Variants in NKAIN1 observed in about 807,000 individuals in gnomAD.
NKAIN1 encodes the protein sodium/potassium-transporting ATPase subunit beta-1-interacting protein 1.
A neutral mutation model predicts 31.6 loss-of-function variants in NKAIN1; 13 were observed. The observed-to-expected ratio is 0.41, with a 90% confidence interval of 0.27 to 0.65. The LOEUF (loss-of-function observed/expected upper bound fraction) is 0.65, where lower values mean the gene tolerates loss of function less well. Ranked by LOEUF, NKAIN1 falls within the 30% of genes least tolerant of loss-of-function variation. The pLI is 0.30. For missense variants in NKAIN1, 193 were observed against 262.2 expected, an observed-to-expected ratio of 0.74 and a Z score of 1.82; for synonymous variants, 104 against 109.0, an observed-to-expected ratio of 0.95 and a Z score of 0.28.
intron 1 of NKAIN1, among the ~76,000 whole-genome samples, chr1:31,219,859 A>G (rs946970849): frequency 6.6e-6 from 1 of 152,182 alleles, no homozygotes; most frequent in African/African-American, 2.4e-5. Context: ...CATCTGTAAA[A>G]CAGGGATGAC....
At chr1:31,223,531 A>G (rs1645579788) in intron 1 of NKAIN1, among the ~76,000 whole-genome samples, 1 of 151,958 alleles carries the variant, frequency 6.6e-6, no homozygotes, top group Admixed American at 6.5e-5. Flanking sequence ...TGCAAGCTCC[A>G]CCTCCTGGGT....
rs139451212 is a variant in NKAIN1 at position 31,225,325 on chromosome 1, C to CTTTTTTTTT, written c.54+14160_54+14168dup. On this transcript the variant is annotated intron_variant, in intron 1 of 6. Coordinates refer to ENST00000373736, the MANE Select transcript of NKAIN1 (RefSeq NM_024522.3). ...ACAGGCATAAGCCACCATGCCCGGC[C>CTTTTTTTTT]TTTTTTTTTTTTTTTTTTTTTTTTT... Among the ~76,000 whole-genome samples the CTTTTTTTTT allele has an allele frequency of 4.2e-4, 22 of 52,162 alleles. 1 individual carries two copies. Among genetic ancestry groups the CTTTTTTTTT allele is most frequent in the Admixed American group, 6.5e-4 (2 of 3,054 alleles). 34.2% of individuals were successfully genotyped at this position (52,162 alleles called of 152,430 possible). A position where few individuals can be genotyped will look rare whatever the true frequency, so the allele number is the denominator to read the frequency against.
At chr1:31,223,695 C>T (rs1645581307) in intron 1 of NKAIN1, among the ~76,000 whole-genome samples, 3 of 152,142 alleles carry the variant, frequency 2.0e-5, no homozygotes, top group African/African-American at 2.4e-5. Flanking sequence ...TCGCCTGCCT[C>T]GGCCTCCCAA....
At position 31,196,580 on chromosome 1, in the gene NKAIN1, G is replaced by A. The variant is rs149195326; in HGVS notation, c.55-8393C>T. ...TGGGCAACTGTAATTCCAGCTACTA[G>A]GGAGGCTGAGGCAGGAGAATCACTT... is the stretch of plus-strand genomic sequence containing the variant. On this transcript the variant is annotated intron_variant, in intron 1 of 6. Transcript: ENST00000373736. 6.0e-3 allele frequency among the ~76,000 whole-genome samples: 897 copies of A among 150,296 alleles called. 7 individuals are homozygous for A. The highest frequency in any genetic ancestry group is 0.02 in the African/African-American group (827 of 40,802).
intron 1 of NKAIN1, among the ~76,000 whole-genome samples, chr1:31,232,449 A>AGAGAGAGAGAGAGAGAGAGG (rs1645660634): frequency 8.2e-6 from 1 of 121,444 alleles, no homozygotes; most frequent in East Asian, 2.7e-4. Context: ...AGAGAGAGAG[A>AGAGAGAGAGAGAGAGAGAGG]GAGAGAGAGA....
chr1:31,220,026 A>G (rs1645550537), intron 1 of NKAIN1, among the ~76,000 whole-genome samples: 1 of 59,338 alleles, frequency 1.7e-5, no homozygotes, highest in Non-Finnish European at 3.5e-5. Flanking sequence ...TTTTTTTTTG[A>G]GATGGAGTTT....
intron 1 of NKAIN1, among the ~76,000 whole-genome samples, chr1:31,199,990 AACAC>A (rs1200502145): frequency 3.3e-4 from 49 of 148,040 alleles, no homozygotes; most frequent in African/African-American, 1.2e-3. Flanking sequence ...CTGGTCCCCG[AACAC>A]ACACACACGC....
chr1:31,208,024 G>A (rs1645437441), intron 1 of NKAIN1, among the ~76,000 whole-genome samples: 1 of 152,036 alleles, frequency 6.6e-6, no homozygotes, highest in African/African-American at 2.4e-5. Context: ...ACAGATGGCC[G>A]CTGGGCCCCC....
Position 31,201,247 on chromosome 1 carries a change from C to G in NKAIN1, c.55-13060G>C, listed in dbSNP as rs1645377438. On this transcript the variant is annotated intron_variant, in intron 1 of 6. Coordinates refer to ENST00000373736, the MANE Select transcript of NKAIN1 (RefSeq NM_024522.3). ...TGTCCCATTAGGAAACAAAACAAAC[C>G]AAATCTCCCAGAAGATCAGTAACCT... 4.6e-5 allele frequency among the ~76,000 whole-genome samples: 7 copies of G among 152,076 alleles called. No individual in the cohort carries two copies. In the South Asian group the frequency reaches 1.2e-3, roughly 27 times the overall value.
At chr1:31,182,428 C>T in intron 5 of NKAIN1, 102 bp downstream of exon 5, 4 of 1,349,104 alleles carry the variant, frequency 3.0e-6, no homozygotes, top group Non-Finnish European at 4.2e-6. Flanking sequence ...GGCCCGTGGC[C>T]GACCCTGGGC....
chr1:31,183,288 A>T (rs1014939543), intron 4 of NKAIN1, among the ~76,000 whole-genome samples: 1 of 152,108 alleles, frequency 6.6e-6, no homozygotes, highest in African/African-American at 2.4e-5. Flanking sequence ...TAAACCCAGG[A>T]TTGATTCATA....
chr1:31,208,413 C>T (rs1645440357), intron 1 of NKAIN1, among the ~76,000 whole-genome samples: 1 of 152,168 alleles, frequency 6.6e-6, no homozygotes, highest in Admixed American at 6.5e-5. Flanking sequence ...TTCCCGGCTT[C>T]CTTTCGTGAA....
chr1:31,210,959 T>C (rs1299977079), intron 1 of NKAIN1, among the ~76,000 whole-genome samples: 1 of 152,224 alleles, frequency 6.6e-6, no homozygotes, highest in Non-Finnish European at 1.5e-5. Context: ...ACATAGCCCC[T>C]GTCTTGACAG....
rs11453918 is a variant in NKAIN1, at chr1:31,220,003, A to ATT, written c.54+19489_54+19490dup. Among the ~76,000 whole-genome samples the ATT allele has an allele frequency of 5.2e-3, 661 of 127,704 alleles. 4 individuals are homozygous for ATT. Among genetic ancestry groups the ATT allele is most frequent in the African/African-American group, 0.011 (366 of 32,720 alleles). 83.8% of individuals were successfully genotyped at this position (127,704 alleles called of 152,430 possible). ...GCTAAACCTGCTTCAGAACACTCAG[A>ATT]TTTTTTTTTTTTTTTTTTTTTGAGA... On this transcript the variant is annotated intron_variant, in intron 1 of 6. Coordinates refer to ENST00000373736, the MANE Select transcript of NKAIN1 (RefSeq NM_024522.3).
intron 1 of NKAIN1, among the ~76,000 whole-genome samples, chr1:31,201,962 C>T (rs542150838): frequency 1.9e-4 from 29 of 152,336 alleles, no homozygotes; most frequent in African/African-American, 3.4e-4. Context: ...CCTGTCTGCA[C>T]GCCCTCCTGC....
chr1:31,191,400 G>GT (rs34521416), intron 1 of NKAIN1, among the ~76,000 whole-genome samples: 14,874 of 133,922 alleles, frequency 0.11, 908 homozygotes, highest in Non-Finnish European at 0.14. Context: ...ACAGAGAGAG[G>GT]TTTTTTTTTT....
chr1:31,192,984 A>G (rs1645297579), intron 1 of NKAIN1, among the ~76,000 whole-genome samples: 1 of 151,960 alleles, frequency 6.6e-6, no homozygotes, highest in African/African-American at 2.4e-5. Context: ...TTGGCAACAT[A>G]GTGAGATCCC....
At chr1:31,217,288 C>G (rs1301392553) in intron 1 of NKAIN1, among the ~76,000 whole-genome samples, 1 of 152,164 alleles carries the variant, frequency 6.6e-6, no homozygotes, top group East Asian at 1.9e-4. Context: ...CCTCAGCCTC[C>G]CATGTAGCTA....
intron 1 of NKAIN1, among the ~76,000 whole-genome samples, chr1:31,190,823 C>T (rs1645279116): frequency 6.6e-6 from 1 of 152,212 alleles, no homozygotes; most frequent in Non-Finnish European, 1.5e-5. Context: ...ACTCTTCCTC[C>T]TTCCACCCTG....
Sources: allele counts gnomAD v4.1 joint callset (sites outside exome capture counted in the v4.1 genomes callset), GRCh38; gene constraint gnomAD v4.1.1; transcripts MANE v1.5; gene names NCBI Gene and HGNC (gene_info 2026-07-23, HGNC 2026-07-21).